Variants in THSD4 observed in about 807,000 individuals in gnomAD.
THSD4 encodes thrombospondin type 1 domain containing 4.
A neutral mutation model predicts 119.0 loss-of-function variants in THSD4; 69 were observed. The ratio of observed to expected loss-of-function variants is 0.58; its 90% CI spans 0.48 to 0.71. THSD4 has a LOEUF of 0.71. THSD4 is among the 30% of genes least tolerant of loss of function. THSD4 has a pLI of 0.00. For synonymous variants in THSD4, 524 were observed against 540.4 expected, an observed-to-expected ratio of 0.97 and a Z score of 0.42; for missense variants, 1,393 against 1,391.1, an observed-to-expected ratio of 1.00 and a Z score of -0.02.
intron 7 of THSD4, among the ~76,000 whole-genome samples, chr15:71,491,136 A>G (rs2047912355): frequency 6.6e-6 from 1 of 152,254 alleles, no homozygotes; most frequent in Non-Finnish European, 1.5e-5. Context: ...GTCCACCAGA[A>G]AAGCTGATTG....
At chr15:71,639,878 A>C (rs978184018) in intron 7 of THSD4, among the ~76,000 whole-genome samples, 1 of 152,088 alleles carries the variant, frequency 6.6e-6, no homozygotes, top group Non-Finnish European at 1.5e-5. Flanking sequence ...CAAGCCAGAA[A>C]AATATGTTAC....
chr15:71,602,887 CAAAT>C (rs886791170), intron 7 of THSD4, among the ~76,000 whole-genome samples: 2 of 152,122 alleles, frequency 1.3e-5, no homozygotes, highest in African/African-American at 2.4e-5. Flanking sequence ...AATTATATCT[CAAAT>C]AAGGAGGGGA....
At chr15:71,759,895 A>G (rs1281425221) in intron 15 of THSD4, among the ~76,000 whole-genome samples, 1 of 152,188 alleles carries the variant, frequency 6.6e-6, no homozygotes, top group Non-Finnish European at 1.5e-5. Flanking sequence ...CCTGTTGTCC[A>G]AAAGGGTCAA....
intron 3 of THSD4, among the ~76,000 whole-genome samples, chr15:71,180,716 C>G (rs2141421601): frequency 6.6e-6 from 1 of 151,972 alleles, no homozygotes; most frequent in Non-Finnish European, 1.5e-5. Flanking sequence ...CAAGTATAGA[C>G]AAAGATAGTT....
At chr15:71,650,925 T>C (rs1294580359) in intron 7 of THSD4, among the ~76,000 whole-genome samples, 2 of 152,128 alleles carry the variant, frequency 1.3e-5, no homozygotes, top group African/African-American at 4.8e-5. Context: ...AAACTGAGAA[T>C]TATAAAATAT....
intron 4 of THSD4, among the ~76,000 whole-genome samples, chr15:71,234,558 G>C (rs1054605882): frequency 6.6e-6 from 1 of 152,032 alleles, no homozygotes; most frequent in East Asian, 1.9e-4. Flanking sequence ...CACTTGCTTT[G>C]GCCTCCCAAA....
intron 3 of THSD4, among the ~76,000 whole-genome samples, chr15:71,207,287 T>A (rs777278116): frequency 6.6e-6 from 1 of 152,204 alleles, no homozygotes; most frequent in Non-Finnish European, 1.5e-5. Flanking sequence ...CCCCATCATG[T>A]TTCATGGAGA....
chr15:71,424,951 A>T (rs768753089), intron 7 of THSD4, among the ~76,000 whole-genome samples: 1 of 152,210 alleles, frequency 6.6e-6, no homozygotes, highest in Non-Finnish European at 1.5e-5. Context: ...CCAACCTTTC[A>T]GAAATCTCAG....
intron 7 of THSD4, among the ~76,000 whole-genome samples, chr15:71,542,222 G>C (rs2048768764): frequency 6.6e-6 from 1 of 152,116 alleles, no homozygotes; most frequent in African/African-American, 2.4e-5. Context: ...AATTAGCAGA[G>C]AAAACAGGAC....
intron 7 of THSD4, among the ~76,000 whole-genome samples, chr15:71,534,934 G>C (rs995676359): frequency 7.2e-6 from 1 of 137,948 alleles, no homozygotes; most frequent in African/African-American, 2.5e-5. Flanking sequence ...ACTCCATCCT[G>C]GGTGACAGAG....
At chr15:71,703,657 C>CT (rs1198945579) in intron 8 of THSD4, among the ~76,000 whole-genome samples, 1 of 152,148 alleles carries the variant, frequency 6.6e-6, no homozygotes, top group African/African-American at 2.4e-5. Flanking sequence ...AGTCCAGCTG[C>CT]AGGGCTCAGC....
intron 6 of THSD4, among the ~76,000 whole-genome samples, chr15:71,268,502 C>T (rs542394440): frequency 7.2e-5 from 11 of 152,170 alleles, no homozygotes; most frequent in African/African-American, 2.7e-4. Flanking sequence ...TAGGAGAAAG[C>T]AGGAAAGAGC....
chr15:71,377,882 A>C (rs1366240034), intron 6 of THSD4, among the ~76,000 whole-genome samples: 5 of 80,062 alleles, frequency 6.2e-5, no homozygotes, highest in Admixed American at 3.8e-4. Flanking sequence ...ACACACACAC[A>C]CACACACACA....
At chr15:71,182,402 T>G (rs2043540499) in intron 3 of THSD4, among the ~76,000 whole-genome samples, 1 of 151,770 alleles carries the variant, frequency 6.6e-6, no homozygotes, top group Non-Finnish European at 1.5e-5. Flanking sequence ...AAACCCAAGT[T>G]ATACAGAGTA....
Position 71,561,863 on chromosome 15 carries a change from A to AACACACACACAC in THSD4, c.1153-98621_1153-98610dup, listed in dbSNP as rs71154780. 9.2e-5 allele frequency among the ~76,000 whole-genome samples: 12 copies of AACACACACACAC among 130,474 alleles called. No homozygotes were observed. In the South Asian group the frequency reaches 1.3e-3, roughly 15 times the overall value. The allele number at this position is 130,474 out of a possible 152,430, so 85.6% of individuals were successfully genotyped here. ...TGGACCCAGGACTCCTTTTAAAATA[A>AACACACACACAC]ACACACACACACACACACACACACA... On this transcript the variant is annotated intron_variant, in intron 7 of 17. Coordinates refer to ENST00000261862, the MANE Select transcript of THSD4 (RefSeq NM_024817.3).
chr15:71,382,490 C>T (rs1243345764), intron 6 of THSD4, among the ~76,000 whole-genome samples: 2 of 152,186 alleles, frequency 1.3e-5, no homozygotes, highest in Non-Finnish European at 2.9e-5. Context: ...CCTTCTACAT[C>T]TTATCCATTT....
At chr15:71,451,226 G>A (rs2140582153) in intron 7 of THSD4, among the ~76,000 whole-genome samples, 1 of 152,276 alleles carries the variant, frequency 6.6e-6, no homozygotes, top group African/African-American at 2.4e-5. Flanking sequence ...ACAAGTTATG[G>A]GAGGGTGAGT....
At chr15:71,387,891 G>A (rs1050045049) in intron 6 of THSD4, among the ~76,000 whole-genome samples, 1 of 152,076 alleles carries the variant, frequency 6.6e-6, no homozygotes, top group Non-Finnish European at 1.5e-5. Flanking sequence ...CCCTCCCTTG[G>A]CCAGGGGACC....
At chr15:71,650,520 G>A (rs1015684579) in intron 7 of THSD4, among the ~76,000 whole-genome samples, 1 of 152,094 alleles carries the variant, frequency 6.6e-6, no homozygotes, top group South Asian at 2.1e-4. Flanking sequence ...ATTCTCCCCG[G>A]GGGCCTGAAA....
Sources: gnomAD v4.1 joint callset for allele counts (sites outside exome capture counted in the v4.1 genomes callset) on GRCh38, gnomAD v4.1.1 for gene constraint, MANE v1.5 for transcripts, NCBI Gene and HGNC (gene_info 2026-07-23, HGNC 2026-07-21) for gene names.